The following LHFPL6 variants were observed in gnomAD, a reference collection of about 807,000 sequenced individuals.
The protein encoded by LHFPL6 is LHFPL tetraspan subfamily member 6.
LHFPL6 carries 9 observed loss-of-function variants against 20.6 expected under a neutral mutation model. The ratio of observed to expected loss-of-function variants is 0.44; its 90% confidence interval spans 0.26 to 0.76. The LOEUF (loss-of-function observed/expected upper bound fraction) is 0.76, where lower values mean the gene tolerates loss of function less well. LHFPL6 is among the 30% of genes least tolerant of loss of function. LHFPL6 has a pLI of 0.20. For missense variants in LHFPL6, 218 were observed against 253.5 expected (o/e 0.86, Z 0.95); for synonymous variants, 105 against 98.7 (o/e 1.06, Z -0.38).
chr13:39,530,714 T>A (rs1192171413), intron 2 of LHFPL6, among the ~76,000 whole-genome samples: 1 of 152,118 alleles, frequency 6.6e-6, no homozygotes, highest in Non-Finnish European at 1.5e-5. Context: ...TTATCACTTT[T>A]TTTCTTTTGC....
intron 2 of LHFPL6, among the ~76,000 whole-genome samples, chr13:39,532,512 T>G (rs1027175564): frequency 6.6e-6 from 1 of 152,206 alleles, no homozygotes. Flanking sequence ...CATTTTATTT[T>G]CATAAAGAAA....
chr13:39,396,152 G>A (rs1041467549), intron 2 of LHFPL6, among the ~76,000 whole-genome samples: 7 of 152,082 alleles, frequency 4.6e-5, no homozygotes, highest in African/African-American at 1.7e-4. Flanking sequence ...ATGTGCCCAG[G>A]TGGGATGGAG....
chr13:39,562,459 TATATACAC>T (rs1871536073), intron 2 of LHFPL6, among the ~76,000 whole-genome samples: 2 of 130,230 alleles, frequency 1.5e-5, no homozygotes, highest in African/African-American at 2.6e-5. Flanking sequence ...CATATATACA[TATATACAC>T]ATATACACAT....
At chr13:39,521,752 C>T (rs1216867442) in intron 2 of LHFPL6, among the ~76,000 whole-genome samples, 1 of 152,172 alleles carries the variant, frequency 6.6e-6, no homozygotes. Context: ...CTTACCATGC[C>T]TATTGCACAG....
intron 2 of LHFPL6, among the ~76,000 whole-genome samples, chr13:39,559,294 C>T (rs748740798): frequency 2.0e-5 from 3 of 152,132 alleles, no homozygotes; most frequent in South Asian, 2.1e-4. Context: ...TCAGAGGCAG[C>T]GGCTAGTGTC....
intron 2 of LHFPL6, among the ~76,000 whole-genome samples, chr13:39,504,070 C>T (rs1302925333): frequency 6.6e-6 from 1 of 152,178 alleles, no homozygotes; most frequent in Non-Finnish European, 1.5e-5. Flanking sequence ...TTTGCACCAA[C>T]CTAAATAATA....
intron 2 of LHFPL6, among the ~76,000 whole-genome samples, chr13:39,404,702 T>G (rs2138381808): frequency 6.6e-6 from 1 of 152,318 alleles, no homozygotes; most frequent in Middle Eastern, 3.4e-3. Context: ...ATTTATGAGC[T>G]CCATCTCATA....
intron 2 of LHFPL6, among the ~76,000 whole-genome samples, chr13:39,505,134 G>T (rs1172738599): frequency 6.6e-6 from 1 of 152,048 alleles, no homozygotes; most frequent in Non-Finnish European, 1.5e-5. Context: ...TGATGCAAAC[G>T]CAAAAGAGAA....
rs544992643 is a variant in LHFPL6, at chr13:39,592,053, A to C, written c.385+8779T>G. On this transcript the variant is annotated intron_variant, in intron 2 of 3. Transcript: ENST00000379589. ...AGAGTTTGCAGTGAGCCGAGATCACACCATTGCACTCCAGCCTGGACGACA... is the reference window on the plus strand; with the variant it reads ...AGAGTTTGCAGTGAGCCGAGATCACCCCATTGCACTCCAGCCTGGACGACA... Among the ~76,000 whole-genome samples the C allele has an allele frequency of 4.6e-4, 70 of 151,824 alleles. 1 individual carries two copies. The South Asian group carries it at 0.014, about 31-fold the overall frequency.
At chr13:39,522,208 C>A (rs535383915) in intron 2 of LHFPL6, among the ~76,000 whole-genome samples, 2 of 152,328 alleles carry the variant, frequency 1.3e-5, no homozygotes, top group South Asian at 4.1e-4. Context: ...AAATATTAAT[C>A]CAGTAAACCC....
intron 2 of LHFPL6, among the ~76,000 whole-genome samples, chr13:39,476,255 C>G (rs1158862346): frequency 6.6e-6 from 1 of 152,154 alleles, no homozygotes; most frequent in African/African-American, 2.4e-5. Flanking sequence ...GTCTTAAACT[C>G]CTGGGCTCAA....
At chr13:39,454,411 T>C (rs9548775) in intron 2 of LHFPL6, among the ~76,000 whole-genome samples, 84,433 of 85,418 alleles carry the variant, frequency 0.99, 41,854 homozygotes, top group Middle Eastern at 1. Context: ...GGGCGGATCA[T>C]GAGGTCAGGA....
At chr13:39,566,763 T>G (rs945987653) in intron 2 of LHFPL6, among the ~76,000 whole-genome samples, 3 of 145,512 alleles carry the variant, frequency 2.1e-5, no homozygotes, top group East Asian at 2.0e-4. Flanking sequence ...AAAAAAAATT[T>G]GCTTTAAAGG....
At chr13:39,497,296 G>C (rs765151356) in intron 2 of LHFPL6, among the ~76,000 whole-genome samples, 1 of 152,214 alleles carries the variant, frequency 6.6e-6, no homozygotes, top group African/African-American at 2.4e-5. Context: ...TGAATACCAT[G>C]AGGGAAAGGT....
intron 2 of LHFPL6, among the ~76,000 whole-genome samples, chr13:39,554,031 G>T (rs1871224881): frequency 6.6e-6 from 1 of 152,190 alleles, no homozygotes; most frequent in Non-Finnish European, 1.5e-5. Flanking sequence ...TATACCTTAT[G>T]AAAGGCTCAT....
intron 2 of LHFPL6, among the ~76,000 whole-genome samples, chr13:39,593,082 T>C (rs1186422023): frequency 2.0e-5 from 3 of 152,276 alleles, no homozygotes; most frequent in East Asian, 3.9e-4. Context: ...TGCCCTCTCT[T>C]ACCACTCCTA....
chr13:39,587,100 T>C (rs1872471942), intron 2 of LHFPL6, among the ~76,000 whole-genome samples: 1 of 151,622 alleles, frequency 6.6e-6, no homozygotes, highest in African/African-American at 2.4e-5. Context: ...GAGGTTGCAG[T>C]GAGCCGAGAT....
chr13:39,416,060 C>T (rs1470424676), intron 2 of LHFPL6, among the ~76,000 whole-genome samples: 1 of 152,124 alleles, frequency 6.6e-6, no homozygotes, highest in Non-Finnish European at 1.5e-5. Flanking sequence ...ATGCAGTCTC[C>T]TTGGGTAACG....
Position 39,549,305 on chromosome 13 carries a change from A to T in LHFPL6, c.385+51527T>A, listed in dbSNP as rs1481996512. Among the ~76,000 whole-genome samples, 4 of 152,280 alleles carry T rather than the reference A, an allele frequency of 2.6e-5. No homozygotes were observed. In the East Asian group the frequency reaches 7.7e-4, roughly 29 times the overall value. On this transcript the variant is annotated intron_variant, in intron 2 of 3. Transcript: ENST00000379589. ...AATCGTACATCCATATGCAAAGAAA[A>T]CAAAACAGACAAAAAACAACCTTGA...
Sources: gnomAD v4.1 joint callset for allele counts (sites outside exome capture counted in the v4.1 genomes callset) on GRCh38, gnomAD v4.1.1 for gene constraint, MANE v1.5 for transcripts, NCBI Gene and HGNC (gene_info 2026-07-23, HGNC 2026-07-21) for gene names.